Variants in PSMD1 observed in about 807,000 individuals in gnomAD.
The protein encoded by PSMD1 is proteasome 26S subunit, non-ATPase 1.
Under a neutral mutation model 119.0 loss-of-function variants are expected in PSMD1, and 18 were observed. The ratio of observed to expected loss-of-function variants is 0.15; its 90% CI spans 0.10 to 0.22. The LOEUF is 0.22. PSMD1 is among the 10% of genes least tolerant of loss of function. The probability of loss-of-function intolerance (pLI) is 1.00; values close to 1 mark genes in which losing one functional copy is unlikely to be tolerated. For missense variants in PSMD1, 702 were observed against 1,158.5 expected, an observed-to-expected ratio of 0.61 and a Z score of 5.72; for synonymous variants, 374 against 396.6, an observed-to-expected ratio of 0.94 and a Z score of 0.68.
At position 231,165,855 on chromosome 2, in the gene PSMD1, A is replaced by G. The variant is rs1214295593; in HGVS notation, c.2569-16A>G. 1 of 1,563,134 alleles carries G rather than the reference A, an allele frequency of 6.4e-7. No homozygotes were observed. Among genetic ancestry groups the G allele is most frequent in the Non-Finnish European group, 8.7e-7 (1 of 1,153,476 alleles). On this transcript the variant is annotated splice_polypyrimidine_tract_variant and intron_variant, in intron 22 of 24. Coordinates refer to ENST00000308696, the MANE Select transcript of PSMD1 (RefSeq NM_002807.4). Reference sequence around the variant, plus strand: ...AATGAACTTCTGTTGAACTTTTTTTAAATTTTATTTTATAGGATGAGGCAG... The same window carrying G: ...AATGAACTTCTGTTGAACTTTTTTTGAATTTTATTTTATAGGATGAGGCAG...
rs764603386 is a variant in PSMD1, at chr2:231,066,948, C to A, written c.347C>A (p.Ala116Glu). ...DHYTKQCVEN[A>E]DLPEGEKKPI... Reference sequence around the variant, plus strand: ...TACACCAAACAATGTGTGGAAAATGCAGATTTGCCTGAAGGAGAAAAAAAA... The same window carrying A: ...TACACCAAACAATGTGTGGAAAATGAAGATTTGCCTGAAGGAGAAAAAAAA... The change falls in exon 5 of 25, where the codon GCA becomes GAA. Residue 116 changes from alanine to glutamate, a missense_variant. Ala to Glu is a moderately radical substitution (Grantham distance 107). Transcript: ENST00000308696. 6.2e-7 allele frequency: 1 copy of A among 1,612,008 alleles called. No individual in the cohort carries two copies. The highest frequency in any genetic ancestry group is 1.3e-5 in the African/African-American group (1 of 74,786).
In PSMD1 at chr2:231,077,118, A is replaced by G. The variant is rs759234569; in HGVS notation, c.1027A>G (p.Ile343Val). The G allele has an allele frequency of 1.9e-6, 3 of 1,591,622 alleles. No homozygotes were observed. Among genetic ancestry groups the G allele is most frequent in the South Asian group, 2.3e-5 (2 of 88,870 alleles). ...MAIELHLQFL[I>V]RNNNTDLMIL... Reference sequence around the variant, plus strand: ...TATTGAGTTACATCTGCAGTTCTTAATACGAAACAATAATACAGACCTCAT... The same window carrying G: ...TATTGAGTTACATCTGCAGTTCTTAGTACGAAACAATAATACAGACCTCAT... Residue 343 changes from isoleucine (I) to valine (V), a missense_variant, in exon 9 of 25, where the codon ATA becomes GTA. This residue lies in a region of PSMD1 where 272 missense variants were observed against 511.6 expected (regional missense o/e 0.53). Coordinates refer to ENST00000308696, the MANE Select transcript of PSMD1 (RefSeq NM_002807.4).
intron 17 of PSMD1, among the ~76,000 whole-genome samples, chr2:231,145,536 A>G (rs1284344831): frequency 1.3e-5 from 2 of 152,158 alleles, no homozygotes; most frequent in Non-Finnish European, 2.9e-5. Flanking sequence ...ATCTTAGCTT[A>G]TCTTTTTTTA....
At chr2:231,142,876 T>C (rs944611512) in intron 17 of PSMD1, among the ~76,000 whole-genome samples, 1 of 152,184 alleles carries the variant, frequency 6.6e-6, no homozygotes, top group Non-Finnish European at 1.5e-5. Flanking sequence ...ATCTGCTGTG[T>C]GTATTATCTG....
At chr2:231,146,589 C>T (rs925718146) in intron 18 of PSMD1, among the ~76,000 whole-genome samples, 1 of 152,138 alleles carries the variant, frequency 6.6e-6, no homozygotes, top group African/African-American at 2.4e-5. Flanking sequence ...TATAACCATG[C>T]TTGAAAAATT....
intron 5 of PSMD1, among the ~76,000 whole-genome samples, chr2:231,069,807 A>G (rs184306128): frequency 1.3e-5 from 2 of 152,328 alleles, no homozygotes; most frequent in Admixed American, 1.3e-4. Flanking sequence ...ACTAAATATT[A>G]TTTTTAATCC....
rs1694140859 is a variant in PSMD1, at chr2:231,075,569, G to A, written c.940G>A (p.Ala314Thr). 6.2e-7 allele frequency: 1 copy of A among 1,605,798 alleles called. No homozygotes were observed. Among genetic ancestry groups the A allele is most frequent in the African/African-American group, 1.3e-5 (1 of 74,316 alleles). The change falls in exon 8 of 25, where the codon GCC becomes ACC. Residue 314 changes from alanine to threonine, a missense_variant and splice_region_variant. Physicochemically the swap from Ala to Thr is moderately conservative, Grantham distance 58. This residue lies in a region of PSMD1 where 69 missense variants were observed against 71.6 expected (regional missense o/e 0.96). Coordinates refer to ENST00000308696, the MANE Select transcript of PSMD1 (RefSeq NM_002807.4). ...TGCATTTGTAGGAAAGACACCAGAA[G>A]CCGTGAGTGTGCTTTTTTTTTTTCC... ...SSAFVGKTPE[A>T]SPEPKDQTLK...
At chr2:231,062,126 C>A in intron 2 of PSMD1, 122 bp from the exon 3 acceptor site, 1 of 616,820 alleles carries the variant, frequency 1.6e-6, no homozygotes. Context: ...TTATATTTGT[C>A]ATAGAGTAAA....
chr2:231,081,369 G>T (rs988930743), intron 12 of PSMD1, among the ~76,000 whole-genome samples: 3 of 152,086 alleles, frequency 2.0e-5, no homozygotes, highest in Non-Finnish European at 2.9e-5. Context: ...TAACTAACTT[G>T]AATAAGAAGT....
At chr2:231,153,816 T>C in intron 19 of PSMD1, 150 bp downstream of exon 19, 1 of 617,532 alleles carries the variant, frequency 1.6e-6, no homozygotes, top group Non-Finnish European at 2.8e-6. Context: ...AGAGATCATG[T>C]ACATTTAAGA....
At chr2:231,081,264 A>G (rs1050018775) in intron 12 of PSMD1, among the ~76,000 whole-genome samples, 1 of 152,004 alleles carries the variant, frequency 6.6e-6, no homozygotes, top group Non-Finnish European at 1.5e-5. Flanking sequence ...CCCTGGTCTC[A>G]GGTAAAAACT....
At chr2:231,115,384 A>G (rs971363810) in intron 16 of PSMD1, among the ~76,000 whole-genome samples, 5 of 152,166 alleles carry the variant, frequency 3.3e-5, no homozygotes, top group Non-Finnish European at 5.9e-5. Flanking sequence ...CAGAGTTGGT[A>G]TGTGGCATTC....
At chr2:231,148,862 G>A (rs1192002538) in intron 18 of PSMD1, among the ~76,000 whole-genome samples, 1 of 152,088 alleles carries the variant, frequency 6.6e-6, no homozygotes, top group Admixed American at 6.5e-5. Flanking sequence ...ACAGCATGTT[G>A]CCAAAAAGAA....
chr2:231,060,274 T>G (rs1693723063), intron 1 of PSMD1: 1 of 152,268 alleles, frequency 6.6e-6, no homozygotes, highest in Admixed American at 6.5e-5. Flanking sequence ...TTAGTTTTGC[T>G]TGGTAAATTT....
At chr2:231,110,019 T>C (rs1293826586) in intron 16 of PSMD1, among the ~76,000 whole-genome samples, 1 of 152,204 alleles carries the variant, frequency 6.6e-6, no homozygotes, top group East Asian at 1.9e-4. Context: ...TTCTTAATCT[T>C]TCTTCTTCTG....
intron 21 of PSMD1, 164 bp from the exon 22 acceptor site, chr2:231,165,036 A>ATT (rs1696735373): frequency 1.0e-4 from 1 of 9,558 alleles, no homozygotes; most frequent in Non-Finnish European, 1.6e-4. Context: ...ATATATATTT[A>ATT]TATATATATA....
Position 231,170,419 on chromosome 2 carries a change from A to G in PSMD1, c.2716-147A>G, listed in dbSNP as rs967075588. The G allele has an allele frequency of 1.1e-5, 9 of 799,372 alleles. No individual in the cohort carries two copies. Among genetic ancestry groups the G allele is most frequent in the African/African-American group, 1.8e-5 (1 of 56,626 alleles). 49.5% of individuals were successfully genotyped at this position (799,372 alleles called of 1,614,324 possible). A position where few individuals can be genotyped will look rare whatever the true frequency, so the allele number is the denominator to read the frequency against. On this transcript the variant is annotated intron_variant, in intron 23 of 24. Transcript: ENST00000308696. The surrounding 1 kb of genome is among the most constrained non-coding windows in gnomAD (Gnocchi z 4.1). Reference sequence around the variant, plus strand: ...CAAATACTTCGTATAGATCACAGTTATCTTTATCCCAGTAAAGTTCTACTC... The same window carrying G: ...CAAATACTTCGTATAGATCACAGTTGTCTTTATCCCAGTAAAGTTCTACTC...
At chr2:231,075,594 C>G in intron 8 of PSMD1, 23 bp downstream of exon 8, 1 of 1,595,972 alleles carries the variant, frequency 6.3e-7, no homozygotes, top group Non-Finnish European at 8.5e-7. Flanking sequence ...TTTTTTTTTC[C>G]TTTGAGACAG....
At chr2:231,143,302 T>C (rs1696172977) in intron 17 of PSMD1, among the ~76,000 whole-genome samples, 1 of 152,060 alleles carries the variant, frequency 6.6e-6, no homozygotes, top group Non-Finnish European at 1.5e-5. Context: ...CTATCTCGGC[T>C]CACTGGAACC....
Sources: allele counts gnomAD v4.1 joint callset (sites outside exome capture counted in the v4.1 genomes callset), GRCh38; gene constraint gnomAD v4.1.1; regional missense constraint gnomAD v4.1.1; non-coding constraint Gnocchi (gnomAD v3.1); transcripts MANE v1.5; gene names NCBI Gene and HGNC (gene_info 2026-07-23, HGNC 2026-07-21).